Variants in FKTN observed in about 807,000 individuals in gnomAD.
FKTN encodes the protein ribitol-5-phosphate transferase FKTN.
Under a neutral mutation model 58.6 loss-of-function variants are expected in FKTN, and 47 were observed. That is an observed-to-expected ratio of 0.80 (90% CI 0.63 to 1.02). FKTN has a LOEUF of 1.02. Ranked by LOEUF, FKTN falls within the 50% of genes least tolerant of loss-of-function variation. The pLI, the probability that FKTN is intolerant of heterozygous loss-of-function variation, is 0.00. For synonymous variants in FKTN, 178 were observed against 191.9 expected (o/e 0.93, Z 0.60); for missense variants, 516 against 537.3 (o/e 0.96, Z 0.39).
intron 7 of FKTN, among the ~76,000 whole-genome samples, chr9:105,609,431 C>A (rs796473946): frequency 1.3e-5 from 2 of 152,048 alleles, no homozygotes; most frequent in Non-Finnish European, 2.9e-5. Context: ...ACATTCTCTA[C>A]ATGTCCTAAT....
chr9:105,569,097 C>G (rs1404931473), intron 1 of FKTN, among the ~76,000 whole-genome samples: 2 of 152,108 alleles, frequency 1.3e-5, no homozygotes, highest in Non-Finnish European at 2.9e-5. Context: ...AATGAGAACA[C>G]TTGGTCACAG....
At chr9:105,625,420 T>C (rs1832629553) in intron 10 of FKTN, among the ~76,000 whole-genome samples, 1 of 152,178 alleles carries the variant, frequency 6.6e-6, no homozygotes, top group African/African-American at 2.4e-5. Flanking sequence ...AGTCTTGTTG[T>C]TTGGTGGGGT....
At chr9:105,587,625 C>T (rs1167615242) in intron 3 of FKTN, among the ~76,000 whole-genome samples, 12 of 152,110 alleles carry the variant, frequency 7.9e-5, no homozygotes, top group Admixed American at 7.9e-4. Context: ...AATACTACTG[C>T]CCCACTTCTT....
At chr9:105,579,568 G>A (rs1842456055) in intron 3 of FKTN, among the ~76,000 whole-genome samples, 1 of 151,146 alleles carries the variant, frequency 6.6e-6, no homozygotes, top group South Asian at 2.1e-4. Flanking sequence ...CATTTGCTGA[G>A]GAGAGCTTTA....
At chr9:105,574,397 G>A (rs998121610) in intron 2 of FKTN, 1 of 152,164 alleles carries the variant, frequency 6.6e-6, no homozygotes, top group African/African-American at 2.4e-5. Flanking sequence ...TGAGACCTAA[G>A]ATGAAAGAAC....
intron 4 of FKTN, 108 bp from the exon 5 acceptor site, chr9:105,601,037 A>G (rs1187423726): frequency 4.3e-6 from 3 of 696,368 alleles, no homozygotes; most frequent in Admixed American, 4.5e-5. Context: ...CATGGTATCT[A>G]TTGGGTAACT....
Position 105,640,308 on chromosome 9 carries a change from T to G in FKTN, c.*5044T>G. The G allele has an allele frequency of 1.4e-6, 1 of 730,778 alleles. No individual in the cohort carries two copies. Among genetic ancestry groups the G allele is most frequent in the South Asian group, 2.5e-5 (1 of 39,242 alleles). The allele number at this position is 730,778 out of a possible 1,614,324, so 45.3% of individuals were successfully genotyped here. A position where few individuals can be genotyped will look rare whatever the true frequency, so the allele number is the denominator to read the frequency against. ...GCTCACACCTGTAATACCAGCAGTT[T>G]GAGAAGCTAAGGCAGGTGGATCACT... On this transcript the variant is annotated 3_prime_UTR_variant, in exon 11 of 11. Coordinates refer to ENST00000357998, the MANE Select transcript of FKTN (RefSeq NM_001079802.2).
At chr9:105,570,031 A>G (rs1840461763) in intron 1 of FKTN, among the ~76,000 whole-genome samples, 1 of 152,098 alleles carries the variant, frequency 6.6e-6, no homozygotes, top group Non-Finnish European at 1.5e-5. Flanking sequence ...TTTTTGTTTT[A>G]GTTCTATGCC....
chr9:105,583,638 C>T (rs942648271), intron 3 of FKTN, among the ~76,000 whole-genome samples: 1 of 151,916 alleles, frequency 6.6e-6, no homozygotes, highest in Non-Finnish European at 1.5e-5. Flanking sequence ...AAATATTTTT[C>T]CTGACTTGTA....
In FKTN at chr9:105,604,507, A is replaced by G; in HGVS notation, c.647+15A>G. ...GCTTTTGACAGGTAAGTTCAGAGTCAAAACGTGAAATGTGAAATGAGTGTT... is the reference window on the plus strand; with the variant it reads ...GCTTTTGACAGGTAAGTTCAGAGTCGAAACGTGAAATGTGAAATGAGTGTT... On this transcript the variant is annotated intron_variant, in intron 6 of 10. Transcript: ENST00000357998. 1 of 1,609,344 alleles carries G rather than the reference A, an allele frequency of 6.2e-7. No homozygotes were observed. Among genetic ancestry groups the G allele is most frequent in the Non-Finnish European group, 8.5e-7 (1 of 1,175,724 alleles).
rs1348642102 is a variant in FKTN at position 105,638,694 on chromosome 9, T to G, written c.*3430T>G. 1 of 984,986 alleles carries G rather than the reference T, an allele frequency of 1.0e-6. No individual in the cohort carries two copies. The highest frequency in any genetic ancestry group is 1.7e-5 in the African/African-American group (1 of 57,228). 61.0% of individuals were successfully genotyped at this position (984,986 alleles called of 1,614,324 possible). On this transcript the variant is annotated 3_prime_UTR_variant, in exon 11 of 11. Transcript: ENST00000357998. ...ACTTTGCAGTTTTCAAGATTTTTTT[T>G]TTATCTGCTTGGCTGGAAAGGAGAC...
chr9:105,597,758 T>C (rs1827072239), intron 4 of FKTN, among the ~76,000 whole-genome samples: 1 of 152,142 alleles, frequency 6.6e-6, no homozygotes, highest in African/African-American at 2.4e-5. Context: ...GGGGTGATCT[T>C]TCATACATTT....
At chr9:105,632,371 A>G (rs1369996493) in intron 10 of FKTN, among the ~76,000 whole-genome samples, 1 of 151,716 alleles carries the variant, frequency 6.6e-6, no homozygotes, top group Admixed American at 6.6e-5. Flanking sequence ...ATACATATGT[A>G]ACTAACCTGC....
chr9:105,626,311 TG>T (rs1008573259), intron 10 of FKTN, among the ~76,000 whole-genome samples: 3 of 152,230 alleles, frequency 2.0e-5, no homozygotes, highest in African/African-American at 7.2e-5. Flanking sequence ...CTCAGGTTTC[TG>T]GATGATGGGA....
chr9:105,594,818 G>A (rs1254724852), intron 3 of FKTN, among the ~76,000 whole-genome samples: 2 of 152,242 alleles, frequency 1.3e-5, no homozygotes, highest in Admixed American at 1.3e-4. Flanking sequence ...TGCAGAATAA[G>A]TAGAAAGTTG....
intron 3 of FKTN, among the ~76,000 whole-genome samples, chr9:105,580,016 T>C (rs1211357482): frequency 6.6e-6 from 1 of 151,908 alleles, no homozygotes; most frequent in Non-Finnish European, 1.5e-5. Flanking sequence ...TTCCATTTGC[T>C]TGGTAGATCT....
At chr9:105,625,665 T>G (rs912017719) in intron 10 of FKTN, among the ~76,000 whole-genome samples, 1 of 152,126 alleles carries the variant, frequency 6.6e-6, no homozygotes, top group African/African-American at 2.4e-5. Flanking sequence ...CCAAGAAAAC[T>G]AAGTGTCCAA....
intron 3 of FKTN, 46 bp downstream of exon 3, chr9:105,575,183 G>A (rs780450716): frequency 1.9e-6 from 2 of 1,067,708 alleles, no homozygotes; most frequent in South Asian, 1.3e-5. Context: ...TCTTATCATT[G>A]TATATTTTCT....
chr9:105,597,525 G>A (rs1827026169), intron 4 of FKTN, among the ~76,000 whole-genome samples: 1 of 152,044 alleles, frequency 6.6e-6, no homozygotes, highest in Non-Finnish European at 1.5e-5. Context: ...TGAGGATAAA[G>A]GTAAGCATGA....
Sources: allele counts gnomAD v4.1 joint callset (sites outside exome capture counted in the v4.1 genomes callset), GRCh38; gene constraint gnomAD v4.1.1; transcripts MANE v1.5; gene names NCBI Gene and HGNC (gene_info 2026-07-23, HGNC 2026-07-21).